TRIM2: variants seen among roughly 807,000 people sequenced by gnomAD.
The protein encoded by TRIM2 is tripartite motif-containing protein 2.
In TRIM2, 20 loss-of-function variants were observed where a neutral mutation model predicts 75.2. The ratio of observed to expected loss-of-function variants is 0.27; its 90% confidence interval spans 0.19 to 0.39. TRIM2 has a LOEUF of 0.39. TRIM2 is among the 10% of genes least tolerant of loss of function. TRIM2 has a pLI of 1.00. For synonymous variants in TRIM2, 373 were observed against 388.3 expected, an observed-to-expected ratio of 0.96 and a Z score of 0.46; for missense variants, 660 against 990.8, an observed-to-expected ratio of 0.67 and a Z score of 4.48.
In TRIM2 at chr4:153,270,506, A is replaced by C; in HGVS notation, c.202A>C (p.Thr68Pro). Residue 68 changes from threonine (T) to proline (P), a missense_variant, in exon 2 of 12, where the codon ACT becomes CCT. Thr to Pro is a conservative substitution (Grantham distance 38). Transcript: ENST00000338700. ...KNPKVLPCLH[T>P]FCERCLQNYI... ...TCCCAAGGTTCTCCCCTGTCTGCACACTTTCTGCGAGAGGTAAGCCTCCTT... is the reference window on the plus strand; with the variant it reads ...TCCCAAGGTTCTCCCCTGTCTGCACCCTTTCTGCGAGAGGTAAGCCTCCTT... The C allele has an allele frequency of 1.2e-6, 2 of 1,608,838 alleles. No individual in the cohort carries two copies. The highest frequency in any genetic ancestry group is 1.7e-6 in the Non-Finnish European group (2 of 1,177,494).
chr4:153,326,979 CAAAAA>C (rs10718802), intron 10 of TRIM2, among the ~76,000 whole-genome samples: 2 of 98,972 alleles, frequency 2.0e-5, no homozygotes, highest in African/African-American at 3.6e-5. Flanking sequence ...GACTCCATCT[CAAAAA>C]AAAAAAAAAA....
intron 1 of TRIM2, among the ~76,000 whole-genome samples, chr4:153,237,653 C>T (rs1372031072): frequency 6.6e-6 from 1 of 151,544 alleles, no homozygotes; most frequent in Non-Finnish European, 1.5e-5. Flanking sequence ...GCATTTCAGC[C>T]CAGGCGACAG....
intron 1 of TRIM2, among the ~76,000 whole-genome samples, chr4:153,174,870 G>A (rs1731250629): frequency 6.6e-6 from 1 of 152,118 alleles, no homozygotes; most frequent in South Asian, 2.1e-4. Context: ...TCAAATACAT[G>A]GCAAGATTGC....
At chr4:153,325,181 G>T (rs984107389) in intron 10 of TRIM2, among the ~76,000 whole-genome samples, 1 of 152,174 alleles carries the variant, frequency 6.6e-6, no homozygotes, top group Non-Finnish European at 1.5e-5. Flanking sequence ...TCTGCATCCT[G>T]GAGAGCCTCT....
chr4:153,154,789 G>C (rs1729071788), intron 1 of TRIM2, among the ~76,000 whole-genome samples: 1 of 152,108 alleles, frequency 6.6e-6, no homozygotes, highest in Non-Finnish European at 1.5e-5. Context: ...TATGGCCCTG[G>C]GGAAAGATTG....
intron 1 of TRIM2, among the ~76,000 whole-genome samples, chr4:153,198,539 A>G (rs774206446): frequency 1.3e-5 from 2 of 152,142 alleles, no homozygotes; most frequent in East Asian, 3.8e-4. Flanking sequence ...AGTCTCGGGT[A>G]TGTCTTTATC....
At chr4:153,271,060 G>T (rs909085482) in intron 2 of TRIM2, among the ~76,000 whole-genome samples, 3 of 152,302 alleles carry the variant, frequency 2.0e-5, no homozygotes, top group Middle Eastern at 3.4e-3. Flanking sequence ...TTTGCTGTAT[G>T]TGAAAACAGA....
At chr4:153,292,690 C>G (rs1762062236) in intron 3 of TRIM2, among the ~76,000 whole-genome samples, 1 of 152,186 alleles carries the variant, frequency 6.6e-6, no homozygotes, top group Admixed American at 6.5e-5. Context: ...ATAACGGGGT[C>G]CTGATATAAA....
chr4:153,277,856 T>C (rs72729614), intron 3 of TRIM2, among the ~76,000 whole-genome samples: 13,081 of 152,266 alleles, frequency 0.086, 729 homozygotes, highest in Middle Eastern at 0.14. Flanking sequence ...CTAAATTTTG[T>C]AAAAAGAACT....
rs956822299 is a variant in TRIM2, at chr4:153,316,976, G to A, written c.1782+977G>A. On this transcript the variant is annotated intron_variant, in intron 8 of 11. Coordinates refer to ENST00000338700, the MANE Select transcript of TRIM2 (RefSeq NM_015271.5). ...GCTCACTGCAAGCTCTGCCTCCCAGGTTCACGCCATTCTCCTGCCTCAGCC... is the reference window on the plus strand; with the variant it reads ...GCTCACTGCAAGCTCTGCCTCCCAGATTCACGCCATTCTCCTGCCTCAGCC... 5.9e-5 allele frequency among the ~76,000 whole-genome samples: 8 copies of A among 134,792 alleles called. No homozygotes were observed. The East Asian group carries it at 1.8e-3, about 30-fold the overall frequency. The allele number at this position is 134,792 out of a possible 152,430, so 88.4% of individuals were successfully genotyped here.
intron 6 of TRIM2, among the ~76,000 whole-genome samples, chr4:153,307,016 A>G (rs1193963417): frequency 2.6e-5 from 4 of 152,214 alleles, no homozygotes; most frequent in African/African-American, 7.2e-5. Context: ...GATATATTTG[A>G]TGCTTCTAAT....
chr4:153,306,003 C>T (rs376948474), intron 6 of TRIM2, among the ~76,000 whole-genome samples: 43 of 152,058 alleles, frequency 2.8e-4, no homozygotes, highest in Middle Eastern at 3.4e-3. Flanking sequence ...GGCATGGTGA[C>T]GGGTGCCTGT....
Position 153,328,677 on chromosome 4 carries a change from C to A in TRIM2, c.2163+7C>A. ...GGGAAACAGCAGGATCCAGGTAGAT[C>A]AATGTGCTAATGTATATGGTTAGAG... On this transcript the variant is annotated splice_region_variant and intron_variant, in intron 11 of 11. Coordinates refer to ENST00000338700, the MANE Select transcript of TRIM2 (RefSeq NM_015271.5). 6.2e-7 allele frequency: 1 copy of A among 1,605,038 alleles called. No individual in the cohort carries two copies. Among genetic ancestry groups the A allele is most frequent in the South Asian group, 1.1e-5 (1 of 88,824 alleles).
At chr4:153,318,444 A>G (rs1402658423) in intron 8 of TRIM2, among the ~76,000 whole-genome samples, 1 of 152,118 alleles carries the variant, frequency 6.6e-6, no homozygotes. Flanking sequence ...TCACCCTTGA[A>G]TTTTTGGTTT....
intron 10 of TRIM2, 133 bp downstream of exon 10, chr4:153,324,281 A>G (rs1162767605): frequency 1.5e-6 from 1 of 656,382 alleles, no homozygotes; most frequent in Non-Finnish European, 2.4e-6. Flanking sequence ...GTTCTGCTCA[A>G]AGATGCCGGT....
intron 3 of TRIM2, 96 bp downstream of exon 3, chr4:153,276,226 C>A: frequency 9.9e-7 from 1 of 1,009,894 alleles, no homozygotes; most frequent in Non-Finnish European, 1.5e-6. Context: ...TGAAACAGAA[C>A]TCCATGTGGA....
At chr4:153,314,914 C>T (rs1488749097) in intron 6 of TRIM2, among the ~76,000 whole-genome samples, 1 of 152,154 alleles carries the variant, frequency 6.6e-6, no homozygotes, top group Non-Finnish European at 1.5e-5. Flanking sequence ...AAGGCCCTTT[C>T]CTGTTGCATA....
chr4:153,297,013 C>T (rs190423659), intron 6 of TRIM2, among the ~76,000 whole-genome samples: 5 of 152,132 alleles, frequency 3.3e-5, no homozygotes, highest in African/African-American at 1.2e-4. Flanking sequence ...TTCTTAAAAC[C>T]TTTAGAATCT....
chr4:153,162,953 T>C (rs772227557), intron 1 of TRIM2, among the ~76,000 whole-genome samples: 5 of 152,180 alleles, frequency 3.3e-5, no homozygotes, highest in East Asian at 1.9e-4. Context: ...GAACTGAGGG[T>C]GAAAAGGGTG....
Sources: allele counts gnomAD v4.1 joint callset (sites outside exome capture counted in the v4.1 genomes callset), GRCh38; gene constraint gnomAD v4.1.1; transcripts MANE v1.5; gene names NCBI Gene and HGNC (gene_info 2026-07-23, HGNC 2026-07-21).